NAALADL2: variants seen among roughly 807,000 people sequenced by gnomAD.
The protein encoded by NAALADL2 is N-acetylated alpha-linked acidic dipeptidase like 2.
A neutral mutation model predicts 87.2 loss-of-function variants in NAALADL2; 76 were observed. That is an observed-to-expected ratio of 0.87 (90% CI 0.72 to 1.05). NAALADL2 has a LOEUF of 1.05. Ranked by LOEUF, NAALADL2 falls within the 50% of genes least tolerant of loss-of-function variation. The pLI is 0.00. For missense variants in NAALADL2, 1,089 were observed against 945.8 expected, an observed-to-expected ratio of 1.15 and a Z score of -1.99; for synonymous variants, 354 against 331.0, an observed-to-expected ratio of 1.07 and a Z score of -0.75.
At chr3:175,789,300 A>G (rs114195417) in intron 13 of NAALADL2, among the ~76,000 whole-genome samples, 2,175 of 152,266 alleles carry the variant, frequency 0.014, 56 homozygotes, top group African/African-American at 0.049. Context: ...TTTCTTAGAT[A>G]TGATGAGAGT....
chr3:174,989,122 G>C (rs937577617), intron 1 of NAALADL2, among the ~76,000 whole-genome samples: 16 of 152,144 alleles, frequency 1.1e-4, no homozygotes, highest in African/African-American at 3.6e-4. Context: ...CTAATACAGT[G>C]AGAACTCACT....
At chr3:174,687,741 A>G (rs1728179039) in intron 2 of NAALADL2, among the ~76,000 whole-genome samples, 2 of 152,102 alleles carry the variant, frequency 1.3e-5, no homozygotes, top group South Asian at 2.1e-4. Flanking sequence ...TCTCACCTTG[A>G]ATTGTAATAA....
At chr3:174,899,097 A>G (rs892403347) in intron 1 of NAALADL2, among the ~76,000 whole-genome samples, 3 of 152,236 alleles carry the variant, frequency 2.0e-5, no homozygotes, top group African/African-American at 7.2e-5. Flanking sequence ...TACAAAAAAG[A>G]TGCAAACTAG....
At chr3:175,749,322 A>T (rs563277697) in intron 12 of NAALADL2, among the ~76,000 whole-genome samples, 1 of 152,122 alleles carries the variant, frequency 6.6e-6, no homozygotes, top group Non-Finnish European at 1.5e-5. Flanking sequence ...AGTTTATGCT[A>T]AGTTGAAACT....
At chr3:175,222,187 C>T (rs1350066906) in intron 2 of NAALADL2, among the ~76,000 whole-genome samples, 1 of 152,100 alleles carries the variant, frequency 6.6e-6, no homozygotes, top group Non-Finnish European at 1.5e-5. Context: ...ATGGTTTTGC[C>T]AGATTCTCCC....
intron 1 of NAALADL2, among the ~76,000 whole-genome samples, chr3:175,085,122 A>T (rs745713303): frequency 6.6e-5 from 10 of 151,958 alleles, no homozygotes; most frequent in Non-Finnish European, 8.8e-5. Flanking sequence ...CCTTCATGGG[A>T]TTCCTTCCTG....
At chr3:175,493,772 T>C (rs1235279208) in intron 9 of NAALADL2, among the ~76,000 whole-genome samples, 1 of 152,204 alleles carries the variant, frequency 6.6e-6, no homozygotes, top group East Asian at 1.9e-4. Flanking sequence ...ATTGTCATTA[T>C]GTTGTTTTGC....
chr3:174,951,951 C>T (rs1195141332), intron 1 of NAALADL2, among the ~76,000 whole-genome samples: 1 of 152,016 alleles, frequency 6.6e-6, no homozygotes, highest in Non-Finnish European at 1.5e-5. Flanking sequence ...TTTTCTAAAC[C>T]TAAGATAATT....
At chr3:175,189,737 A>G (rs1269866734) in intron 2 of NAALADL2, among the ~76,000 whole-genome samples, 2 of 152,214 alleles carry the variant, frequency 1.3e-5, no homozygotes, top group African/African-American at 2.4e-5. Context: ...ACGTGGAACC[A>G]TAAAAGATGT....
chr3:174,984,847 T>C (rs1021159606), intron 1 of NAALADL2, among the ~76,000 whole-genome samples: 3 of 152,198 alleles, frequency 2.0e-5, no homozygotes, highest in Non-Finnish European at 2.9e-5. Flanking sequence ...ACATTATTCC[T>C]CTGTAGAGTT....
At chr3:175,637,941 A>G (rs1416520640) in intron 11 of NAALADL2, among the ~76,000 whole-genome samples, 2 of 152,200 alleles carry the variant, frequency 1.3e-5, no homozygotes, top group Non-Finnish European at 2.9e-5. Flanking sequence ...TAGTTGCCAT[A>G]TGTCTCAGTT....
intron 2 of NAALADL2, among the ~76,000 whole-genome samples, chr3:174,562,076 T>G (rs1055016530): frequency 1.9e-4 from 29 of 152,178 alleles, no homozygotes; most frequent in African/African-American, 7.0e-4. Context: ...TTTTAGTGAA[T>G]ACAGAAATAT....
chr3:174,708,727 A>C (rs1262097297), intron 2 of NAALADL2, among the ~76,000 whole-genome samples: 3 of 152,132 alleles, frequency 2.0e-5, no homozygotes, highest in African/African-American at 7.2e-5. Flanking sequence ...TGACCTTTTC[A>C]GGTTTCCTTG....
intron 9 of NAALADL2, among the ~76,000 whole-genome samples, chr3:175,554,090 T>G (rs1649193792): frequency 6.6e-6 from 1 of 152,088 alleles, no homozygotes; most frequent in Non-Finnish European, 1.5e-5. Context: ...ACATTCAAAT[T>G]AATAGTGGAA....
chr3:175,467,074 C>T lies in NAALADL2; in HGVS notation c.1423C>T (p.Arg475Cys), dbSNP rs369127393. ...SSTAIITAFI[R>C]ALMSKVKRGW... Reference sequence around the variant, plus strand: ...TACTGCAATAATCACAGCGTTTATCCGTGCCTTGATGTCAAAAGTTAAGAG... The same window carrying T: ...TACTGCAATAATCACAGCGTTTATCTGTGCCTTGATGTCAAAAGTTAAGAG... The change falls in exon 8 of 14, where the codon CGT becomes TGT. Residue 475 changes from arginine (R) to cysteine (C), a missense_variant. By Grantham distance (180) the Arg-to-Cys change is radical. Coordinates refer to ENST00000454872, the MANE Select transcript of NAALADL2 (RefSeq NM_207015.3). The T allele has an allele frequency of 5.6e-6, 9 of 1,613,616 alleles. No individual in the cohort carries two copies. The highest frequency in any genetic ancestry group is 4.0e-5 in the African/African-American group (3 of 74,888).
intron 1 of NAALADL2, among the ~76,000 whole-genome samples, chr3:174,444,044 G>T (rs747884581): frequency 6.9e-6 from 1 of 144,764 alleles, no homozygotes; most frequent in Non-Finnish European, 1.6e-5. Flanking sequence ...AGCGTTAGTT[G>T]TAGGACCAGA....
intron 1 of NAALADL2, among the ~76,000 whole-genome samples, chr3:174,955,810 G>A (rs897207861): frequency 6.6e-6 from 1 of 152,046 alleles, no homozygotes; most frequent in Non-Finnish European, 1.5e-5. Flanking sequence ...TACCAACAGA[G>A]TGTCTGATTT....
intron 2 of NAALADL2, among the ~76,000 whole-genome samples, chr3:175,152,708 C>G (rs1046260618): frequency 6.6e-6 from 1 of 152,064 alleles, no homozygotes; most frequent in Admixed American, 6.6e-5. Flanking sequence ...GAGTTCGAGA[C>G]CAGCCTGGCC....
chr3:175,120,474 GTGT>G lies in NAALADL2; in HGVS notation c.545+23188_545+23190del, dbSNP rs563617692. Among the ~76,000 whole-genome samples, 31 of 151,920 alleles carry G rather than the reference GTGT, an allele frequency of 2.0e-4. No individual in the cohort carries two copies. The South Asian group carries it at 6.2e-3, about 30-fold the overall frequency. Reference sequence around the variant, plus strand: ...ACTTAATCTCATAAAAAAGGACTGTGTGTTGTTCCACTAAACTGGTGTTCATGC... The same window carrying G: ...ACTTAATCTCATAAAAAAGGACTGTGTGTTCCACTAAACTGGTGTTCATGC... On this transcript the variant is annotated intron_variant, in intron 2 of 13. Transcript: ENST00000454872.
Sources: gnomAD v4.1 joint callset for allele counts (sites outside exome capture counted in the v4.1 genomes callset) on GRCh38, gnomAD v4.1.1 for gene constraint, MANE v1.5 for transcripts, NCBI Gene and HGNC (gene_info 2026-07-23, HGNC 2026-07-21) for gene names.